DPP10: variants seen among roughly 807,000 people sequenced by gnomAD.
DPP10 encodes inactive dipeptidyl peptidase 10.
A neutral mutation model predicts 120.9 loss-of-function variants in DPP10; 33 were observed. The ratio of observed to expected loss-of-function variants is 0.27; its 90% CI spans 0.21 to 0.37. The LOEUF (loss-of-function observed/expected upper bound fraction) is 0.37. Ranked by LOEUF, DPP10 falls within the 10% of genes least tolerant of loss-of-function variation. DPP10 has a pLI of 1.00. For missense variants in DPP10, 816 were observed against 942.8 expected (o/e 0.87, Z 1.76); for synonymous variants, 337 against 326.1 (o/e 1.03, Z -0.36).
chr2:115,676,372 A>G (rs2090259518), intron 5 of DPP10, among the ~76,000 whole-genome samples: 1 of 152,218 alleles, frequency 6.6e-6, no homozygotes, highest in African/African-American at 2.4e-5. Flanking sequence ...ACACATAGAG[A>G]AAAAGATCTT....
At chr2:115,447,856 G>A (rs2072753370) in intron 3 of DPP10, among the ~76,000 whole-genome samples, 1 of 152,224 alleles carries the variant, frequency 6.6e-6, no homozygotes, top group South Asian at 2.1e-4. Flanking sequence ...TGAGGGTCAA[G>A]CATGTTTTAT....
chr2:114,484,928 T>C (rs926195656), intron 1 of DPP10, among the ~76,000 whole-genome samples: 1 of 151,890 alleles, frequency 6.6e-6, no homozygotes, highest in Non-Finnish European at 1.5e-5. Context: ...TTCATTGGGC[T>C]GCTTCTAAGA....
intron 1 of DPP10, among the ~76,000 whole-genome samples, chr2:114,968,112 C>G (rs1022776403): frequency 1.3e-5 from 2 of 152,156 alleles, no homozygotes; most frequent in Non-Finnish European, 2.9e-5. Flanking sequence ...AAATTTGAGC[C>G]TGCTTTACCT....
intron 1 of DPP10, among the ~76,000 whole-genome samples, chr2:114,788,444 TCTCA>T (rs2106225256): frequency 6.9e-6 from 1 of 145,900 alleles, no homozygotes; most frequent in South Asian, 2.2e-4. Flanking sequence ...TGAGACGGAG[TCTCA>T]CTCTGTCACC....
At chr2:115,250,169 T>C (rs2058694475) in intron 1 of DPP10, among the ~76,000 whole-genome samples, 1 of 152,174 alleles carries the variant, frequency 6.6e-6, no homozygotes, top group African/African-American at 2.4e-5. Context: ...ATCTTTTTCA[T>C]ATAAACTTTC....
intron 1 of DPP10, among the ~76,000 whole-genome samples, chr2:115,081,358 A>G (rs149288745): frequency 1.3e-4 from 20 of 152,308 alleles, no homozygotes; most frequent in African/African-American, 3.4e-4. Flanking sequence ...TTTGCAAGCT[A>G]TCTTCTCAGA....
intron 1 of DPP10, among the ~76,000 whole-genome samples, chr2:114,831,442 T>C (rs1687110951): frequency 6.6e-6 from 1 of 152,154 alleles, no homozygotes; most frequent in Non-Finnish European, 1.5e-5. Context: ...AAATGTAGGC[T>C]TTGGAAAGCA....
intron 4 of DPP10, among the ~76,000 whole-genome samples, chr2:115,518,562 G>A (rs887039214): frequency 6.6e-6 from 1 of 151,864 alleles, no homozygotes; most frequent in African/African-American, 2.4e-5. Context: ...TATGGGAATT[G>A]CAAAGCTTTT....
intron 1 of DPP10, among the ~76,000 whole-genome samples, chr2:114,586,316 G>A (rs1237603226): frequency 6.6e-6 from 1 of 152,120 alleles, no homozygotes; most frequent in Non-Finnish European, 1.5e-5. Flanking sequence ...CTTGCTATAA[G>A]CTCTTGCCCC....
At chr2:114,923,804 T>G (rs527401268) in intron 1 of DPP10, among the ~76,000 whole-genome samples, 1 of 152,310 alleles carries the variant, frequency 6.6e-6, no homozygotes, top group Non-Finnish European at 1.5e-5. Flanking sequence ...TAGCAAAATT[T>G]TAGACAATTT....
At chr2:115,579,594 T>C (rs750366857) in intron 5 of DPP10, 1 of 152,196 alleles carries the variant, frequency 6.6e-6, no homozygotes, top group Non-Finnish European at 1.5e-5. Flanking sequence ...TTTGCTCCTA[T>C]GTTTTTTACT....
intron 1 of DPP10, among the ~76,000 whole-genome samples, chr2:115,167,270 A>AT (rs2052949796): frequency 6.6e-6 from 1 of 151,738 alleles, no homozygotes; most frequent in Admixed American, 6.6e-5. Context: ...GAAAAAAAAA[A>AT]AAAAATCTGG....
intron 3 of DPP10, among the ~76,000 whole-genome samples, chr2:115,486,454 G>A (rs897139445): frequency 1.3e-5 from 2 of 152,148 alleles, no homozygotes; most frequent in Non-Finnish European, 2.9e-5. Flanking sequence ...TCACTGCAGT[G>A]TAGAGTTCTA....
At chr2:115,633,350 A>G (rs1183577798) in intron 5 of DPP10, among the ~76,000 whole-genome samples, 3 of 152,082 alleles carry the variant, frequency 2.0e-5, no homozygotes, top group East Asian at 3.9e-4. Context: ...CAAACACCAC[A>G]TGTTCTCACT....
intron 1 of DPP10, among the ~76,000 whole-genome samples, chr2:114,990,843 A>G (rs1239992702): frequency 6.6e-6 from 1 of 152,160 alleles, no homozygotes; most frequent in Non-Finnish European, 1.5e-5. Context: ...TGTCGCTGAT[A>G]GTCCTTCTGC....
At chr2:115,383,213 G>T (rs1184629589) in intron 3 of DPP10, among the ~76,000 whole-genome samples, 1 of 152,198 alleles carries the variant, frequency 6.6e-6, no homozygotes, top group Non-Finnish European at 1.5e-5. Flanking sequence ...GTTGTGGGAG[G>T]TTCCTGGTGG....
At chr2:115,481,293 T>C in intron 3 of DPP10, among the ~76,000 whole-genome samples, 1 of 152,012 alleles carries the variant, frequency 6.6e-6, no homozygotes, top group Non-Finnish European at 1.5e-5. Context: ...GAATAAAGAG[T>C]TGCTCAACTG....
chr2:115,746,203 C>T lies in DPP10; in HGVS notation c.950+20C>T. 1 of 1,570,464 alleles carries T rather than the reference C, an allele frequency of 6.4e-7. No individual in the cohort carries two copies. Among genetic ancestry groups the T allele is most frequent in the Non-Finnish European group, 8.7e-7 (1 of 1,143,018 alleles). ...ATCAAGGTATGCAATTTCAATTTCA[C>T]TTTTATGGGGAAATAGATATTTTCA... is the stretch of plus-strand genomic sequence containing the variant. On this transcript the variant is annotated intron_variant, in intron 10 of 25. Coordinates refer to ENST00000410059, the MANE Select transcript of DPP10 (RefSeq NM_020868.6).
intron 1 of DPP10, among the ~76,000 whole-genome samples, chr2:114,483,421 A>G (rs1681232753): frequency 6.6e-6 from 1 of 152,102 alleles, no homozygotes; most frequent in Admixed American, 6.6e-5. Flanking sequence ...CAAGTACCAT[A>G]AAGTATTCAT....
Sources: allele counts gnomAD v4.1 joint callset (sites outside exome capture counted in the v4.1 genomes callset), GRCh38; gene constraint gnomAD v4.1.1; transcripts MANE v1.5; gene names NCBI Gene and HGNC (gene_info 2026-07-23, HGNC 2026-07-21).